INSYN2B: variants seen among roughly 807,000 people sequenced by gnomAD.
INSYN2B encodes the protein inhibitory synaptic factor family member 2B, also known as protein INSYN2B.
A neutral mutation model predicts 41.2 loss-of-function variants in INSYN2B; 16 were observed. The observed-to-expected ratio is 0.39, with a 90% CI of 0.26 to 0.59. The LOEUF (loss-of-function observed/expected upper bound fraction) is 0.59, where lower values mean the gene tolerates loss of function less well. Ranked by LOEUF, INSYN2B falls within the 20% of genes least tolerant of loss-of-function variation. The pLI is 0.57. For missense variants in INSYN2B, 608 were observed against 646.4 expected, an observed-to-expected ratio of 0.94 and a Z score of 0.64; for synonymous variants, 245 against 244.4, an observed-to-expected ratio of 1.00 and a Z score of -0.02.
chr5:169,896,512 C>A (rs1773618160), intron 1 of INSYN2B, among the ~76,000 whole-genome samples: 1 of 152,154 alleles, frequency 6.6e-6, no homozygotes, highest in Admixed American at 6.5e-5. Context: ...GAAGATGTAG[C>A]TAATAATATT....
intron 1 of INSYN2B, among the ~76,000 whole-genome samples, chr5:169,971,302 G>A (rs1309579292): frequency 3.3e-5 from 5 of 152,198 alleles, no homozygotes; most frequent in African/African-American, 1.2e-4. Context: ...CTGCCGGGGA[G>A]CTGGGGCCTG....
chr5:169,863,170 G>T lies in INSYN2B; in HGVS notation c.*1103C>A, dbSNP rs1581309426. The stretch of plus-strand genomic sequence containing the variant: ...CAGACCTTGAATAACTCAGACTTTG[G>T]GATGGAAAGATATTTAAACCTCAAA... On this transcript the variant is annotated 3_prime_UTR_variant, in exon 4 of 4. Transcript: ENST00000377365. Among the ~76,000 whole-genome samples, 1 of 152,112 alleles carries T rather than the reference G, an allele frequency of 6.6e-6. No individual in the cohort carries two copies. Among genetic ancestry groups the T allele is most frequent in the Non-Finnish European group, 1.5e-5 (1 of 68,030 alleles).
intron 1 of INSYN2B, among the ~76,000 whole-genome samples, chr5:169,929,876 C>T (rs1775663012): frequency 1.3e-5 from 2 of 152,054 alleles, no homozygotes; most frequent in South Asian, 2.1e-4. Flanking sequence ...TTTTGTGCTC[C>T]AATATGGTAG....
At chr5:169,925,866 G>T (rs1379073211) in intron 1 of INSYN2B, among the ~76,000 whole-genome samples, 1 of 152,088 alleles carries the variant, frequency 6.6e-6, no homozygotes, top group African/African-American at 2.4e-5. Flanking sequence ...TGGTTCCCTG[G>T]GGAGAAGATG....
At chr5:169,881,553 GAA>G in intron 2 of INSYN2B, 111 bp from the exon 3 acceptor site, 1 of 759,374 alleles carries the variant, frequency 1.3e-6, no homozygotes, top group Non-Finnish European at 2.3e-6. Flanking sequence ...ACGGTGCTCT[GAA>G]GTTGCACGGC....
chr5:169,870,243 G>A (rs969317148), intron 3 of INSYN2B, among the ~76,000 whole-genome samples: 1 of 152,122 alleles, frequency 6.6e-6, no homozygotes, highest in African/African-American at 2.4e-5. Flanking sequence ...TTCCCTCTTG[G>A]GGGTACCTCA....
intron 1 of INSYN2B, among the ~76,000 whole-genome samples, chr5:169,948,336 G>A (rs1776526275): frequency 6.6e-6 from 1 of 152,108 alleles, no homozygotes; most frequent in Non-Finnish European, 1.5e-5. Context: ...TTATGAAAAA[G>A]ATAAAACACA....
At chr5:169,903,006 G>C (rs1216637037) in intron 1 of INSYN2B, among the ~76,000 whole-genome samples, 1 of 152,086 alleles carries the variant, frequency 6.6e-6, no homozygotes, top group Non-Finnish European at 1.5e-5. Flanking sequence ...GCTGAGGCAG[G>C]AGAATCGCTT....
At chr5:169,903,718 A>G (rs1774097842) in intron 1 of INSYN2B, among the ~76,000 whole-genome samples, 2 of 152,122 alleles carry the variant, frequency 1.3e-5, no homozygotes, top group Non-Finnish European at 2.9e-5. Flanking sequence ...AAAAGAAGTA[A>G]GTTTGGAGAA....
chr5:169,925,367 G>A (rs1262665096), intron 1 of INSYN2B, among the ~76,000 whole-genome samples: 1 of 152,210 alleles, frequency 6.6e-6, no homozygotes, highest in South Asian at 2.1e-4. Flanking sequence ...AGATCACAAG[G>A]TCAGGCGTTA....
chr5:169,954,655 A>G (rs1212539397), intron 1 of INSYN2B, among the ~76,000 whole-genome samples: 3 of 152,254 alleles, frequency 2.0e-5, no homozygotes, highest in Non-Finnish European at 2.9e-5. Context: ...AATATAGTGC[A>G]GTTTGGTTCT....
At position 169,893,479 on chromosome 5, in the gene INSYN2B, CT is replaced by C. The variant is rs200833735; in HGVS notation, c.-918-8664del. Among the ~76,000 whole-genome samples the C allele has an allele frequency of 5.7e-3, 819 of 142,974 alleles. 7 individuals carry two copies. Among genetic ancestry groups the C allele is most frequent in the African/African-American group, 0.016 (606 of 38,814 alleles). 93.8% of individuals were successfully genotyped at this position (142,974 alleles called of 152,430 possible). On this transcript the variant is annotated intron_variant, in intron 1 of 3. Coordinates refer to ENST00000377365, the MANE Select transcript of INSYN2B (RefSeq NM_001129891.3). ...ACATAACTGGGGACATTTTCTTACC[CT>C]TTTTTTTTTTTTTAGGTCATACCAC...
chr5:169,899,825 T>C (rs1773818466), intron 1 of INSYN2B, among the ~76,000 whole-genome samples: 1 of 152,242 alleles, frequency 6.6e-6, no homozygotes, highest in Non-Finnish European at 1.5e-5. Flanking sequence ...TTTTTATTCT[T>C]ACTTTCTTTA....
At chr5:169,898,919 G>A (rs1279960279) in intron 1 of INSYN2B, among the ~76,000 whole-genome samples, 1 of 152,190 alleles carries the variant, frequency 6.6e-6, no homozygotes, top group African/African-American at 2.4e-5. Context: ...AGACTAAAGT[G>A]AAGAAGCAAA....
At chr5:169,870,665 C>T (rs1771905169) in intron 3 of INSYN2B, among the ~76,000 whole-genome samples, 2 of 151,704 alleles carry the variant, frequency 1.3e-5, no homozygotes. Context: ...AGGTTTGTTA[C>T]ACATGTAAAC....
chr5:169,910,835 C>T (rs996727458), intron 1 of INSYN2B, among the ~76,000 whole-genome samples: 1 of 152,190 alleles, frequency 6.6e-6, no homozygotes, highest in Non-Finnish European at 1.5e-5. Flanking sequence ...CTGGCTCCAG[C>T]CCCCAGTAGG....
intron 1 of INSYN2B, among the ~76,000 whole-genome samples, chr5:169,926,560 G>T (rs1012969059): frequency 6.6e-6 from 1 of 152,196 alleles, no homozygotes; most frequent in African/African-American, 2.4e-5. Flanking sequence ...GCTGGAAGGT[G>T]GGGGCAGTGA....
chr5:169,970,293 T>A (rs1777453727), intron 1 of INSYN2B, among the ~76,000 whole-genome samples: 1 of 152,234 alleles, frequency 6.6e-6, no homozygotes, highest in Admixed American at 6.5e-5. Flanking sequence ...GCTCAATGGC[T>A]TGTTCTGCCC....
At chr5:169,939,421 G>A (rs2113701889) in intron 1 of INSYN2B, among the ~76,000 whole-genome samples, 1 of 152,238 alleles carries the variant, frequency 6.6e-6, no homozygotes, top group East Asian at 1.9e-4. Flanking sequence ...GGACCTGCCT[G>A]AGGCTGTTTT....
Sources: allele counts gnomAD v4.1 joint callset (sites outside exome capture counted in the v4.1 genomes callset), GRCh38; gene constraint gnomAD v4.1.1; transcripts MANE v1.5; gene names NCBI Gene and HGNC (gene_info 2026-07-23, HGNC 2026-07-21).